Variants in TMEM242 observed in about 807,000 individuals in gnomAD.
The protein encoded by TMEM242 is UPF0463 transmembrane protein C6orf35.
TMEM242 carries 10 observed loss-of-function variants against 18.2 expected under a neutral mutation model. That is an observed-to-expected ratio of 0.55 (90% confidence interval 0.34 to 0.93). The LOEUF is 0.93. Among genes scored for constraint, TMEM242 ranks in the 40% least tolerant of loss-of-function variants. The pLI, the probability that TMEM242 is intolerant of heterozygous loss-of-function variation, is 0.02. For missense variants in TMEM242, 186 were observed against 175.5 expected, an observed-to-expected ratio of 1.06 and a Z score of -0.34; for synonymous variants, 57 against 69.9, an observed-to-expected ratio of 0.81 and a Z score of 0.92.
intron 1 of TMEM242, 81 bp downstream of exon 1, chr6:157,323,331 G>A (rs1370053332): frequency 2.8e-6 from 4 of 1,453,332 alleles, no homozygotes; most frequent in Non-Finnish European, 3.8e-6. Flanking sequence ...CGGGATGTGT[G>A]TGGGAATGCC....
At chr6:157,299,953 A>G in intron 3 of TMEM242, 1 of 1,579,712 alleles carries the variant, frequency 6.3e-7, no homozygotes, top group Non-Finnish European at 8.7e-7. Flanking sequence ...CCTTACTGTG[A>G]TGAGCGGGCT....
intron 2 of TMEM242, among the ~76,000 whole-genome samples, chr6:157,321,058 G>A (rs1778489484): frequency 6.7e-6 from 1 of 148,422 alleles, no homozygotes; most frequent in Non-Finnish European, 1.5e-5. Flanking sequence ...ACCCAGGCTG[G>A]AGTGCAGTGG....
chr6:157,305,116 G>A lies in TMEM242; in HGVS notation c.328-12117C>T, dbSNP rs1419952607. 1.3e-5 allele frequency among the ~76,000 whole-genome samples: 2 copies of A among 152,134 alleles called. No homozygotes were observed. The highest frequency in any genetic ancestry group is 2.4e-5 in the African/African-American group (1 of 41,420). On this transcript the variant is annotated intron_variant, in intron 3 of 3. Coordinates refer to ENST00000400788, the MANE Select transcript of TMEM242 (RefSeq NM_018452.6). The surrounding 1 kb of genome is among the most constrained non-coding windows in gnomAD (Gnocchi z 4.1). ...TCACATTTTTAAAATATCTCTGGCTGCTGTGTGGAGAAAAAATTCTAGAAG... is the reference window on the plus strand; with the variant it reads ...TCACATTTTTAAAATATCTCTGGCTACTGTGTGGAGAAAAAATTCTAGAAG...
chr6:157,322,165 C>T (rs1308175399), intron 2 of TMEM242, among the ~76,000 whole-genome samples: 2 of 152,200 alleles, frequency 1.3e-5, no homozygotes, highest in Admixed American at 1.3e-4. Context: ...GAGTCTCGCT[C>T]TGTCACCCAG....
At position 157,305,158 on chromosome 6, in the gene TMEM242, G is replaced by A. The variant is rs992356292; in HGVS notation, c.328-12159C>T. Among the ~76,000 whole-genome samples the A allele has an allele frequency of 2.0e-5, 3 of 152,042 alleles. No individual in the cohort carries two copies. The highest frequency in any genetic ancestry group is 2.9e-5 in the Non-Finnish European group (2 of 68,014). ...TTCTAGAAGGAATAAGGAAGAGGCCGGGAAACTGGACAGGAAACTCTTAAA... is the reference window on the plus strand; with the variant it reads ...TTCTAGAAGGAATAAGGAAGAGGCCAGGAAACTGGACAGGAAACTCTTAAA... On this transcript the variant is annotated intron_variant, in intron 3 of 3. Coordinates refer to ENST00000400788, the MANE Select transcript of TMEM242 (RefSeq NM_018452.6). This position sits in a 1 kb window ranked among gnomAD's most constrained non-coding sequence, Gnocchi z 4.1.
intron 3 of TMEM242, among the ~76,000 whole-genome samples, chr6:157,302,296 T>C (rs1777841974): frequency 6.6e-6 from 1 of 152,220 alleles, no homozygotes. Flanking sequence ...ATCTCAGTCA[T>C]AACTTGAAAT....
chr6:157,293,073 G>A (rs2128412496), intron 3 of TMEM242, 74 bp from the exon 4 acceptor site: 2 of 1,071,232 alleles, frequency 1.9e-6, no homozygotes, highest in Non-Finnish European at 2.9e-6. Flanking sequence ...TGGCACCTTT[G>A]CTGACTGGCT....
At chr6:157,293,652 A>G (rs1554246990) in intron 3 of TMEM242, among the ~76,000 whole-genome samples, 1 of 151,510 alleles carries the variant, frequency 6.6e-6, no homozygotes. Context: ...TGTGCAAGAC[A>G]GTGGTTTTTT....
intron 3 of TMEM242, among the ~76,000 whole-genome samples, chr6:157,301,316 G>A (rs986890152): frequency 5.3e-5 from 8 of 150,626 alleles, no homozygotes; most frequent in Non-Finnish European, 1.2e-4. Context: ...GACTTGAAAA[G>A]CTATTACTTT....
intron 3 of TMEM242, among the ~76,000 whole-genome samples, chr6:157,317,238 T>C (rs1254396441): frequency 4.6e-5 from 7 of 152,210 alleles, no homozygotes; most frequent in Admixed American, 4.6e-4. Context: ...CTGCCTCTGA[T>C]TCTCCTCTAT....
At chr6:157,293,685 C>T (rs1184229363) in intron 3 of TMEM242, among the ~76,000 whole-genome samples, 2 of 150,564 alleles carry the variant, frequency 1.3e-5, no homozygotes, top group Non-Finnish European at 3.0e-5. Context: ...TTTTTTAAAT[C>T]TAGGTAGGAG....
In TMEM242 at chr6:157,323,493, T is replaced by C. The variant is rs1778531091; in HGVS notation, c.7A>G (p.Thr3Ala). 6.2e-7 allele frequency: 1 copy of C among 1,613,566 alleles called. No individual in the cohort carries two copies. Residue 3 changes from threonine to alanine, a missense_variant, in exon 1 of 4, where the codon ACA (threonine) becomes GCA (alanine). Coordinates refer to ENST00000400788, the MANE Select transcript of TMEM242 (RefSeq NM_018452.6). The stretch of plus-strand genomic sequence containing the variant: ...GGCTGCCCAGTTGCAGCGCCCGCTG[T>C]CTCCATGTTTAGGTCGCCTCTAGTG... Reference protein sequence around the residue: METAGAATGQPAS... With the variant: MEAAGAATGQPAS...
chr6:157,297,505 C>A (rs967991414), intron 3 of TMEM242, among the ~76,000 whole-genome samples: 3 of 152,140 alleles, frequency 2.0e-5, no homozygotes, highest in African/African-American at 4.8e-5. Flanking sequence ...CTCCTAAAAC[C>A]GCCTAGAACT....
intron 3 of TMEM242, among the ~76,000 whole-genome samples, chr6:157,312,728 GT>G (rs1778213021): frequency 1.0e-5 from 1 of 99,578 alleles, no homozygotes; most frequent in Non-Finnish European, 2.1e-5. Context: ...TCATCTTACT[GT>G]CCCAGTGTGC....
intron 2 of TMEM242, among the ~76,000 whole-genome samples, chr6:157,319,129 T>C (rs1382029347): frequency 3.3e-5 from 5 of 152,228 alleles, no homozygotes; most frequent in African/African-American, 1.2e-4. Context: ...GCCTGTTAAT[T>C]CTTCCAGAAA....
chr6:157,319,072 T>C (rs929370643), intron 2 of TMEM242, among the ~76,000 whole-genome samples, 153 bp from the exon 3 acceptor site: 5 of 152,242 alleles, frequency 3.3e-5, no homozygotes, highest in Non-Finnish European at 7.3e-5. Context: ...ACTTAATAAT[T>C]GCATGCCTTC....
At chr6:157,310,102 C>A (rs1291097042) in intron 3 of TMEM242, among the ~76,000 whole-genome samples, 1 of 152,164 alleles carries the variant, frequency 6.6e-6, no homozygotes, top group African/African-American at 2.4e-5. Flanking sequence ...GAGGAAAAAA[C>A]TCAAGGTAGT....
chr6:157,311,208 GAC>G (rs1778062356), intron 3 of TMEM242, among the ~76,000 whole-genome samples: 5 of 4,632 alleles, frequency 1.1e-3, no homozygotes, highest in East Asian at 5.2e-3. Flanking sequence ...CATACTGTCC[GAC>G]TGTGCGCTCA....
chr6:157,316,852 A>G (rs1273863259), intron 3 of TMEM242, among the ~76,000 whole-genome samples: 1 of 152,236 alleles, frequency 6.6e-6, no homozygotes, highest in African/African-American at 2.4e-5. Flanking sequence ...CCTGGGTGAC[A>G]GAGGAAGACC....
Sources: allele counts gnomAD v4.1 joint callset (sites outside exome capture counted in the v4.1 genomes callset), GRCh38; gene constraint gnomAD v4.1.1; non-coding constraint Gnocchi (gnomAD v3.1); transcripts MANE v1.5; gene names NCBI Gene and HGNC (gene_info 2026-07-23, HGNC 2026-07-21).